The following CPLX2 variants were observed in gnomAD, a reference collection of about 807,000 sequenced individuals.
The protein encoded by CPLX2 is complexin 2.
CPLX2 carries 5 observed loss-of-function variants against 16.3 expected under a neutral mutation model. That is an observed-to-expected ratio of 0.31 (90% CI 0.16 to 0.64). The LOEUF is 0.64. Ranked by LOEUF, CPLX2 falls within the 30% of genes least tolerant of loss-of-function variation. The pLI is 0.79. For missense variants in CPLX2, 144 were observed against 181.4 expected (o/e 0.79, Z 1.18); for synonymous variants, 89 against 73.2 (o/e 1.22, Z -1.10).
intron 2 of CPLX2, among the ~76,000 whole-genome samples, chr5:175,851,241 A>C (rs1329997273): frequency 6.6e-6 from 1 of 152,044 alleles, no homozygotes; most frequent in Non-Finnish European, 1.5e-5. Flanking sequence ...CCCTTAATGA[A>C]ACACACCAGC....
At chr5:175,808,100 C>A (rs1320948364) in intron 1 of CPLX2, among the ~76,000 whole-genome samples, 1 of 152,164 alleles carries the variant, frequency 6.6e-6, no homozygotes, top group Non-Finnish European at 1.5e-5. Context: ...GTTGCTGGGG[C>A]CTTGGTGCCC....
At chr5:175,811,932 T>C (rs980786356) in intron 2 of CPLX2, among the ~76,000 whole-genome samples, 10 of 152,212 alleles carry the variant, frequency 6.6e-5, no homozygotes, top group Non-Finnish European at 1.2e-4. Flanking sequence ...AGGGATCTTT[T>C]TGGGGTACCC....
chr5:175,813,718 C>T (rs186821333), intron 2 of CPLX2, among the ~76,000 whole-genome samples: 2 of 152,330 alleles, frequency 1.3e-5, no homozygotes, highest in East Asian at 3.9e-4. Flanking sequence ...ATCCATGAGA[C>T]AATTTGAAGA....
At chr5:175,876,165 C>T (rs1012780130) in intron 1 of CPLX2, among the ~76,000 whole-genome samples, 2 of 152,146 alleles carry the variant, frequency 1.3e-5, no homozygotes, top group African/African-American at 4.8e-5. Context: ...ACATACATAC[C>T]TCAGAATGTA....
chr5:175,835,120 T>C (rs540556862), intron 2 of CPLX2, among the ~76,000 whole-genome samples: 51 of 152,342 alleles, frequency 3.3e-4, no homozygotes, highest in African/African-American at 1.1e-3. Flanking sequence ...TGTTAATTTA[T>C]CTTAAACAGA....
At chr5:175,871,410 G>GAGACA (rs1289417318), upstream of CPLX2, 1 of 28,682 alleles carries the variant, frequency 3.5e-5, no homozygotes, top group Non-Finnish European at 6.4e-5. Flanking sequence ...AAGAGAGAGA[G>GAGACA]GAGAGAGAGA....
rs1468420224 is a variant in CPLX2 at position 175,845,510 on chromosome 5, G to A, written c.-88-33142G>A. ...TCAGGCAAAGGTCACTCCCCCTCATGAGGGCCACTCCCCCTAGAGTAACTG... is the reference window on the plus strand; with the variant it reads ...TCAGGCAAAGGTCACTCCCCCTCATAAGGGCCACTCCCCCTAGAGTAACTG... On this transcript the variant is annotated intron_variant, in intron 2 of 4. Coordinates refer to the CPLX2 transcript ENST00000359546. This position sits in a 1 kb window ranked among gnomAD's most constrained non-coding sequence, Gnocchi z 4.0. Among the ~76,000 whole-genome samples, 1 of 152,192 alleles carries A rather than the reference G, an allele frequency of 6.6e-6. No individual in the cohort carries two copies. Among genetic ancestry groups the A allele is most frequent in the South Asian group, 2.1e-4 (1 of 4,828 alleles).
chr5:175,796,872 C>A (rs998093085), intron 1 of CPLX2: 6 of 152,276 alleles, frequency 3.9e-5, no homozygotes, highest in Non-Finnish European at 5.9e-5. Flanking sequence ...ACAGGCCCCG[C>A]GCTCGAGAGC....
At position 175,878,959 on chromosome 5, in the gene CPLX2, C is replaced by G. The variant is rs1755487724; in HGVS notation, c.83C>G (p.Pro28Arg). 21 of 1,611,082 alleles carry G rather than the reference C, an allele frequency of 1.3e-5. No individual in the cohort carries two copies. Among genetic ancestry groups the G allele is most frequent in the Non-Finnish European group, 1.8e-5 (21 of 1,178,794 alleles). Residue 28 changes from proline to arginine, a missense_variant, in exon 3 of 4, where the codon CCC (proline) becomes CGC (arginine). Physicochemically the swap from Pro to Arg is moderately radical, Grantham distance 103. Coordinates refer to ENST00000393745, the MANE Select transcript of CPLX2 (RefSeq NM_001008220.2). ...KMLGGEEEKD[P>R]DAQKKEEERQ... ...CTGGGGGGAGAGGAGGAGAAGGACC[C>G]CGACGCGCAGAAAAAGGAGGAGGAG...
At chr5:175,868,222 T>G (rs537770345), upstream of CPLX2, among the ~76,000 whole-genome samples, 1 of 152,262 alleles carries the variant, frequency 6.6e-6, no homozygotes, top group African/African-American at 2.4e-5. Context: ...CAGGATGCCC[T>G]CTGGGCTGAG....
Position 175,880,271 on chromosome 5 carries a change from T to G in CPLX2, c.*226T>G, listed in dbSNP as rs1755546804. 1.5e-6 allele frequency: 1 copy of G among 649,636 alleles called. No homozygotes were observed. The highest frequency in any genetic ancestry group is 1.6e-5 in the South Asian group (1 of 61,436). The allele number at this position is 649,636 out of a possible 1,614,324, so 40.2% of individuals were successfully genotyped here. On this transcript the variant is annotated 3_prime_UTR_variant, in exon 4 of 4. Coordinates refer to ENST00000393745, the MANE Select transcript of CPLX2 (RefSeq NM_001008220.2). ...AAGTAGCTTGAAAAAGGGAGGACAG[T>G]CTTTCCCCAGCAGGGGTCAGGGGGG...
chr5:175,815,731 C>T (rs1052695794), intron 2 of CPLX2, among the ~76,000 whole-genome samples: 2 of 152,238 alleles, frequency 1.3e-5, no homozygotes, highest in Non-Finnish European at 2.9e-5. Flanking sequence ...ACTTGCCCCT[C>T]CCTCTGCCTT....
In CPLX2 at chr5:175,803,709, T is replaced by C. The variant is rs191226233; in HGVS notation, c.-168-5280T>C. Among the ~76,000 whole-genome samples, 11 of 152,328 alleles carry C rather than the reference T, an allele frequency of 7.2e-5. No individual in the cohort carries two copies. In the East Asian group the frequency reaches 2.1e-3, roughly 29 times the overall value. ...GACAGAGGGGTGGCGTGATCTAAAT[T>C]GTGATGAAGTCACTTCCCTCAGTCA... On this transcript the variant is annotated intron_variant, in intron 1 of 4. Coordinates refer to the CPLX2 transcript ENST00000359546.
At chr5:175,796,830 C>T (rs1049266353) in intron 1 of CPLX2, 2 of 152,288 alleles carry the variant, frequency 1.3e-5, no homozygotes, top group African/African-American at 4.8e-5. Flanking sequence ...CCGCCCTCCT[C>T]CGCGGGAGCG....
chr5:175,814,836 C>A (rs1019276711), intron 2 of CPLX2, among the ~76,000 whole-genome samples: 6 of 152,150 alleles, frequency 3.9e-5, no homozygotes, highest in African/African-American at 1.4e-4. Context: ...CGCTTTTTTC[C>A]TCCTTGCATC....
intron 2 of CPLX2, among the ~76,000 whole-genome samples, chr5:175,852,459 T>C (rs1386859114): frequency 6.6e-6 from 1 of 152,132 alleles, no homozygotes; most frequent in Non-Finnish European, 1.5e-5. Flanking sequence ...CTTCAAACAG[T>C]TTCTCGGTTT....
intron 1 of CPLX2, among the ~76,000 whole-genome samples, chr5:175,803,623 C>T (rs757841426): frequency 2.6e-5 from 4 of 152,140 alleles, no homozygotes; most frequent in African/African-American, 4.8e-5. Flanking sequence ...ACGGTGACAG[C>T]GGAAAGGCTG....
intron 2 of CPLX2, among the ~76,000 whole-genome samples, chr5:175,829,269 G>A (rs986532987): frequency 6.6e-6 from 1 of 152,258 alleles, no homozygotes; most frequent in Non-Finnish European, 1.5e-5. Context: ...CTGCGGCTCA[G>A]CGAGGCCAGC....
At chr5:175,815,375 C>T (rs535267015) in intron 2 of CPLX2, among the ~76,000 whole-genome samples, 2 of 152,154 alleles carry the variant, frequency 1.3e-5, no homozygotes, top group African/African-American at 4.8e-5. Flanking sequence ...GCAGGCTTGG[C>T]GGAGAGCACA....
Sources: allele counts gnomAD v4.1 joint callset (sites outside exome capture counted in the v4.1 genomes callset), GRCh38; gene constraint gnomAD v4.1.1; non-coding constraint Gnocchi (gnomAD v3.1); transcripts MANE v1.5; gene names NCBI Gene and HGNC (gene_info 2026-07-23, HGNC 2026-07-21).